Variants in CFAP298 observed in about 807,000 individuals in gnomAD.
CFAP298 encodes cilia and flagella associated protein 298.
CFAP298 carries 38 observed loss-of-function variants against 41.0 expected under a neutral mutation model. The ratio of observed to expected loss-of-function variants is 0.93; its 90% CI spans 0.72 to 1.22. The LOEUF (loss-of-function observed/expected upper bound fraction) is 1.22, where lower values mean the gene tolerates loss of function less well. CFAP298 is among the 50% of genes most tolerant of loss of function. CFAP298 has a pLI of 0.00. For synonymous variants in CFAP298, 137 were observed against 135.3 expected (o/e 1.01, Z -0.09); for missense variants, 348 against 360.3 (o/e 0.97, Z 0.28).
intron 3 of CFAP298, among the ~76,000 whole-genome samples, chr21:32,605,383 A>G (rs1366834306): frequency 2.0e-5 from 3 of 152,184 alleles, no homozygotes; most frequent in Non-Finnish European, 4.4e-5. Context: ...AGCTTGTGCT[A>G]ATACAGTAAC....
At chr21:32,604,946 A>C (rs1353072174) in intron 3 of CFAP298, among the ~76,000 whole-genome samples, 1 of 152,212 alleles carries the variant, frequency 6.6e-6, no homozygotes, top group Admixed American at 6.5e-5. Context: ...TGGGAGGCCG[A>C]GGTGGGCAAA....
intron 5 of CFAP298, 172 bp from the exon 6 acceptor site, chr21:32,602,539 C>G (rs2038767260): frequency 5.6e-6 from 8 of 1,427,866 alleles, no homozygotes; most frequent in Non-Finnish European, 7.3e-6. Context: ...CTTGAGCAGC[C>G]CTGAGCCCTG....
At chr21:32,607,025 C>A (rs894173951) in intron 3 of CFAP298, among the ~76,000 whole-genome samples, 1 of 152,206 alleles carries the variant, frequency 6.6e-6, no homozygotes, top group Non-Finnish European at 1.5e-5. Flanking sequence ...ATCTCCCCTA[C>A]TTAACTTTGT....
At chr21:32,608,904 G>C (rs1328466564) in intron 2 of CFAP298, among the ~76,000 whole-genome samples, 2 of 152,196 alleles carry the variant, frequency 1.3e-5, no homozygotes, top group Middle Eastern at 3.4e-3. Flanking sequence ...GGCCTTGCAG[G>C]AATACTGTTC....
rs1202221772 is a variant in CFAP298 at position 32,602,280 on chromosome 21, C to T, written c.754G>A (p.Glu252Lys). The change falls in exon 6 of 7, where the codon GAG becomes AAG. Residue 252 changes from glutamate to lysine, a missense_variant. By Grantham distance (56) the Glu-to-Lys change is moderately conservative (BLOSUM62 1). Coordinates refer to ENST00000290155, the MANE Select transcript of CFAP298 (RefSeq NM_021254.4). ...LMLYYHRRQE[E>K]LKRLEENDDD... ...CATCTGTCCCCTGCTACCTTGAGCT[C>T]CTCTTGTCTTCTGTGATAGTACAGC... The T allele has an allele frequency of 1.2e-6, 2 of 1,613,956 alleles. No individual in the cohort carries two copies. The highest frequency in any genetic ancestry group is 2.2e-5 in the South Asian group (2 of 91,086).
Position 32,607,741 on chromosome 21 carries a change from G to T in CFAP298, c.308-25C>A, listed in dbSNP as rs376482940. 4.2e-6 allele frequency: 6 copies of T among 1,424,406 alleles called. No homozygotes were observed. The African/African-American group carries it at 8.6e-5, about 20-fold the overall frequency. The allele number at this position is 1,424,406 out of a possible 1,614,324, so 88.2% of individuals were successfully genotyped here. A position where few individuals can be genotyped will look rare whatever the true frequency, so the allele number is the denominator to read the frequency against. On this transcript the variant is annotated intron_variant, in intron 2 of 6. Coordinates refer to ENST00000290155, the MANE Select transcript of CFAP298 (RefSeq NM_021254.4). ...GCTATAAAAATAAAAAGGAGAGAGG[G>T]AGAAAGAGCTGTCAAATACAAAGCC...
intron 1 of CFAP298, among the ~76,000 whole-genome samples, chr21:32,611,123 A>T (rs186599198): frequency 1.4e-4 from 21 of 151,428 alleles, no homozygotes; most frequent in Non-Finnish European, 2.8e-4. Flanking sequence ...GGCCAACATG[A>T]TGAAACCCCG....
intron 4 of CFAP298, 46 bp from the exon 5 acceptor site, chr21:32,603,338 G>T: frequency 6.2e-7 from 1 of 1,608,150 alleles, no homozygotes; most frequent in Admixed American, 1.7e-5. Context: ...TCCCACCCAG[G>T]GGGCAGAGCC....
At chr21:32,611,525 G>A (rs1313213309) in intron 1 of CFAP298, among the ~76,000 whole-genome samples, 56 of 151,820 alleles carry the variant, frequency 3.7e-4, no homozygotes, top group Non-Finnish European at 7.4e-5. Context: ...CTGCCCAATG[G>A]ACAGCACAGA....
chr21:32,612,295 C>G lies in CFAP298; in HGVS notation c.-52G>C. On this transcript the variant is annotated 5_prime_UTR_variant, in exon 1 of 7. Coordinates refer to ENST00000290155, the MANE Select transcript of CFAP298 (RefSeq NM_021254.4). ...TTGAGAAGGCCCCGGCTGCGTGGCCCGCGGGTCCTGCCGGCCGAGGGTCGC... is the reference window on the plus strand; with the variant it reads ...TTGAGAAGGCCCCGGCTGCGTGGCCGGCGGGTCCTGCCGGCCGAGGGTCGC... The G allele has an allele frequency of 2.2e-6, 3 of 1,387,834 alleles. No individual in the cohort carries two copies. In the South Asian group the frequency reaches 4.0e-5, roughly 19 times the overall value. 86.0% of individuals were successfully genotyped at this position (1,387,834 alleles called of 1,614,324 possible).
chr21:32,603,229 T>G lies in CFAP298; in HGVS notation c.598A>C (p.Arg200=), dbSNP rs778634463. 1.9e-6 allele frequency: 3 copies of G among 1,614,238 alleles called. No individual in the cohort carries two copies. Among genetic ancestry groups the G allele is most frequent in the Non-Finnish European group, 2.5e-6 (3 of 1,180,016 alleles). ...ACGTAGTCTGAAAGCTTCTTCGTTC[T>G]TCTCAGCTCCTTGGCTGCCCACCAC... ...QLWWAAKELR[R]TKKLSDYVGK... Residue 200 remains arginine, a synonymous_variant, in exon 5 of 7, where the codon AGA becomes CGA. Transcript: ENST00000290155.
In CFAP298 at chr21:32,600,556, C is replaced by G. The variant is rs1020865208; in HGVS notation, c.*1307G>C. On this transcript the variant is annotated 3_prime_UTR_variant, in exon 7 of 7. Coordinates refer to ENST00000290155, the MANE Select transcript of CFAP298 (RefSeq NM_021254.4). ...ACCAGGAGAACAGGACCCTAGGCAC[C>G]AAAAGTCAAGCATGAGGGACTGCCA... Among the ~76,000 whole-genome samples, 4 of 139,116 alleles carry G rather than the reference C, an allele frequency of 2.9e-5. No homozygotes were observed. The highest frequency in any genetic ancestry group is 6.3e-5 in the Non-Finnish European group (4 of 63,512). 91.3% of individuals were successfully genotyped at this position (139,116 alleles called of 152,430 possible). A position where few individuals can be genotyped will look rare whatever the true frequency, so the allele number is the denominator to read the frequency against.
At position 32,600,055 on chromosome 21, in the gene CFAP298, T is replaced by C. The variant is rs964580375; in HGVS notation, c.*1808A>G. Among the ~76,000 whole-genome samples the C allele has an allele frequency of 3.3e-5, 5 of 152,306 alleles. No homozygotes were observed. Among genetic ancestry groups the C allele is most frequent in the African/African-American group, 9.6e-5 (4 of 41,562 alleles). Reference sequence around the variant, plus strand: ...CCTGAAAAGAGCTACTATGATCACATGGCTTGGTTAACTGTTTCTTACAAG... The same window carrying C: ...CCTGAAAAGAGCTACTATGATCACACGGCTTGGTTAACTGTTTCTTACAAG... On this transcript the variant is annotated 3_prime_UTR_variant, in exon 7 of 7. Transcript: ENST00000290155.
At chr21:32,610,077 G>T (rs2038956973) in intron 1 of CFAP298, 72 bp from the exon 2 acceptor site, 3 of 1,370,116 alleles carry the variant, frequency 2.2e-6, no homozygotes, top group African/African-American at 2.9e-5. Context: ...GCTCCAAAGA[G>T]TCAGGGGTCT....
At chr21:32,606,255 A>G (rs536252472) in intron 3 of CFAP298, among the ~76,000 whole-genome samples, 1 of 152,324 alleles carries the variant, frequency 6.6e-6, no homozygotes, top group East Asian at 1.9e-4. Flanking sequence ...ACCAGCTGGA[A>G]ATTCAGGTTG....
In CFAP298 at chr21:32,612,365, G is replaced by C; in HGVS notation, c.-122C>G. 7.0e-7 allele frequency: 1 copy of C among 1,430,386 alleles called. No individual in the cohort carries two copies. Among genetic ancestry groups the C allele is most frequent in the Non-Finnish European group, 9.1e-7 (1 of 1,095,366 alleles). 88.6% of individuals were successfully genotyped at this position (1,430,386 alleles called of 1,614,324 possible). On this transcript the variant is annotated 5_prime_UTR_variant, in exon 1 of 7. Coordinates refer to ENST00000290155, the MANE Select transcript of CFAP298 (RefSeq NM_021254.4). ...ACGCACTAACAGCCGCTCACAGTCC[G>C]GAATCCCACGCTCCCTAGCCCGCGG... is the stretch of plus-strand genomic sequence containing the variant.
chr21:32,607,336 G>A (rs1281366905), intron 3 of CFAP298, among the ~76,000 whole-genome samples: 1 of 152,176 alleles, frequency 6.6e-6, no homozygotes, highest in African/African-American at 2.4e-5. Context: ...GCTCATGCCT[G>A]TAATCCCAGC....
At chr21:32,608,171 T>C (rs1170824564) in intron 2 of CFAP298, among the ~76,000 whole-genome samples, 1 of 132,538 alleles carries the variant, frequency 7.5e-6, no homozygotes, top group Non-Finnish European at 1.5e-5. Flanking sequence ...CTGTAGCCCA[T>C]AATTTGGTGA....
In CFAP298 at chr21:32,600,658, T is replaced by A. The variant is rs1424237588; in HGVS notation, c.*1205A>T. 6.6e-6 allele frequency among the ~76,000 whole-genome samples: 1 copy of A among 152,222 alleles called. No individual in the cohort carries two copies. Among genetic ancestry groups the A allele is most frequent in the Admixed American group, 6.5e-5 (1 of 15,286 alleles). On this transcript the variant is annotated 3_prime_UTR_variant, in exon 7 of 7. Coordinates refer to ENST00000290155, the MANE Select transcript of CFAP298 (RefSeq NM_021254.4). The stretch of plus-strand genomic sequence containing the variant: ...ATACTTGGATGGTTTACAGTGATGA[T>A]GAGTTGGAGTCTTTAAACTCAATGG...
Sources: gnomAD v4.1 joint callset for allele counts (sites outside exome capture counted in the v4.1 genomes callset) on GRCh38, gnomAD v4.1.1 for gene constraint, MANE v1.5 for transcripts, NCBI Gene and HGNC (gene_info 2026-07-23, HGNC 2026-07-21) for gene names.